PHF24: variants seen among roughly 807,000 people sequenced by gnomAD.
The protein encoded by PHF24 is PHD finger protein 24.
Under a neutral mutation model 42.6 loss-of-function variants are expected in PHF24, and 25 were observed. The observed-to-expected ratio is 0.59, with a 90% CI of 0.43 to 0.82. PHF24 has a LOEUF of 0.82. PHF24 is among the 40% of genes least tolerant of loss of function. PHF24 has a pLI of 0.00. For synonymous variants in PHF24, 185 were observed against 204.8 expected (o/e 0.90, Z 0.83); for missense variants, 470 against 538.1 (o/e 0.87, Z 1.25).
the PHF24 span, among the ~76,000 whole-genome samples, chr9:34,703,962 C>T: frequency 4.6e-5 from 7 of 152,298 alleles, no homozygotes; most frequent in Non-Finnish European, 7.3e-5. Flanking sequence ...AAGAGATCCT[C>T]CCACCTCAGC....
chr9:34,928,235 AT>A, the PHF24 span, among the ~76,000 whole-genome samples: 1 of 151,450 alleles, frequency 6.6e-6, no homozygotes, highest in African/African-American at 2.4e-5. Context: ...AAAAAAAAAA[AT>A]CTACTCTTTG....
chr9:34,957,642 G>A (rs578158838), upstream of PHF24: 1 of 152,244 alleles, frequency 6.6e-6, no homozygotes, highest in Non-Finnish European at 1.5e-5. Context: ...TGGGCCAGCC[G>A]AGGATTATGT....
chr9:34,723,052 A>G, the PHF24 span: 8 of 742,242 alleles, frequency 1.1e-5, no homozygotes, highest in Non-Finnish European at 1.7e-5. Flanking sequence ...CAGACAATGT[A>G]TTGCTGAGAA....
At chr9:34,723,240 G>A in the PHF24 span, 15 of 1,551,264 alleles carry the variant, frequency 9.7e-6, no homozygotes, top group Non-Finnish European at 1.3e-5. Flanking sequence ...AGCTAGGTTG[G>A]GTGCCCTGGT....
the PHF24 span, among the ~76,000 whole-genome samples, chr9:34,942,609 G>C: frequency 6.6e-6 from 1 of 152,068 alleles, no homozygotes; most frequent in Non-Finnish European, 1.5e-5. Context: ...AATATTTTTG[G>C]CCATCCCATA....
chr9:34,831,839 C>T, the PHF24 span, among the ~76,000 whole-genome samples: 1 of 152,124 alleles, frequency 6.6e-6, no homozygotes. Flanking sequence ...TTACAGCAGG[C>T]TCCAAGATGG....
the PHF24 span, among the ~76,000 whole-genome samples, chr9:34,824,919 C>T: frequency 6.6e-6 from 1 of 152,082 alleles, no homozygotes; most frequent in African/African-American, 2.4e-5. Flanking sequence ...TATTACCTGT[C>T]TGAGGTACAG....
At chr9:34,669,989 A>G in the PHF24 span, among the ~76,000 whole-genome samples, 1 of 152,114 alleles carries the variant, frequency 6.6e-6, no homozygotes, top group African/African-American at 2.4e-5. Context: ...TGTGGCCAAT[A>G]ATTCAATTAT....
chr9:34,686,206 T>C, the PHF24 span, among the ~76,000 whole-genome samples: 2 of 152,182 alleles, frequency 1.3e-5, no homozygotes, highest in African/African-American at 2.4e-5. Flanking sequence ...ATTTCCCAAT[T>C]AGGAGTCCTG....
the PHF24 span, among the ~76,000 whole-genome samples, chr9:34,693,485 G>A: frequency 6.6e-6 from 1 of 152,182 alleles, no homozygotes; most frequent in South Asian, 2.1e-4. Context: ...GAGCTTGTTA[G>A]AAACACGAAT....
the PHF24 span, chr9:34,724,586 G>T: frequency 1.3e-6 from 2 of 1,536,662 alleles, no homozygotes; most frequent in African/African-American, 2.8e-5. Context: ...CAAGATATGT[G>T]TCTGGAGTGA....
At chr9:34,922,695 G>GT in the PHF24 span, 336 of 1,469,380 alleles carry the variant, frequency 2.3e-4, 2 homozygotes, top group Admixed American at 3.5e-3. Flanking sequence ...GCCATCTGCT[G>GT]TTTTTTTCTC....
chr9:34,915,620 TA>T, the PHF24 span, among the ~76,000 whole-genome samples: 10 of 152,122 alleles, frequency 6.6e-5, no homozygotes, highest in African/African-American at 2.4e-4. Flanking sequence ...AGAGAACAGG[TA>T]AGTCCAGACA....
At chr9:34,821,267 AAC>A in the PHF24 span, among the ~76,000 whole-genome samples, 1 of 152,158 alleles carries the variant, frequency 6.6e-6, no homozygotes, top group Non-Finnish European at 1.5e-5. Flanking sequence ...TATGATTTAA[AAC>A]ATTTTATTTA....
chr9:34,947,819 A>G, the PHF24 span, among the ~76,000 whole-genome samples: 1 of 152,212 alleles, frequency 6.6e-6, no homozygotes, highest in African/African-American at 2.4e-5. Context: ...TAAAAATAAG[A>G]AAAAGTTGGC....
chr9:34,710,186 C>G, the PHF24 span: 14 of 750,318 alleles, frequency 1.9e-5, no homozygotes, highest in Non-Finnish European at 3.1e-5. Context: ...ACTTTCACTT[C>G]CCTTAACTTA....
chr9:34,836,298 A>C, the PHF24 span, among the ~76,000 whole-genome samples: 1 of 152,176 alleles, frequency 6.6e-6, no homozygotes. Context: ...CTCAGAGAAG[A>C]CTGGGAGCTG....
the PHF24 span, among the ~76,000 whole-genome samples, chr9:34,700,985 T>C: frequency 1.3e-5 from 2 of 152,170 alleles, no homozygotes; most frequent in African/African-American, 4.8e-5. Context: ...TGAAACAGTT[T>C]CTGACCACAG....
At chr9:34,967,957 G>C (rs957168866) in intron 1 of PHF24, among the ~76,000 whole-genome samples, 2 of 152,196 alleles carry the variant, frequency 1.3e-5, no homozygotes, top group African/African-American at 4.8e-5. Flanking sequence ...CTGAATCATA[G>C]AACAGGGGAC....
Sources: gnomAD v4.1 joint callset for allele counts (sites outside exome capture counted in the v4.1 genomes callset) on GRCh38, gnomAD v4.1.1 for gene constraint, MANE v1.5 for transcripts, NCBI Gene and HGNC (gene_info 2026-07-23, HGNC 2026-07-21) for gene names.